ZNF277: variants seen among roughly 807,000 people sequenced by gnomAD.
ZNF277 encodes the protein zinc finger protein 277, also known as nuclear receptor-interacting factor 4.
ZNF277 carries 55 observed loss-of-function variants against 60.7 expected under a neutral mutation model. That is an observed-to-expected ratio of 0.91 (90% CI 0.73 to 1.13). The LOEUF is 1.13. ZNF277 is among the 50% of genes most tolerant of loss of function. ZNF277 has a pLI of 0.00. For synonymous variants in ZNF277, 178 were observed against 179.3 expected (o/e 0.99, Z 0.06); for missense variants, 510 against 523.0 (o/e 0.98, Z 0.24).
intron 1 of ZNF277, among the ~76,000 whole-genome samples, chr7:112,279,601 A>G (rs895044827): frequency 2.6e-5 from 4 of 152,110 alleles, no homozygotes; most frequent in Admixed American, 1.3e-4. Context: ...CCCTTGAACA[A>G]TTCAGGGATT....
At chr7:112,330,294 G>C (rs1432927217) in intron 7 of ZNF277, 78 bp downstream of exon 7, 1 of 1,445,322 alleles carries the variant, frequency 6.9e-7, no homozygotes, top group East Asian at 2.3e-5. Context: ...ACTAATATTT[G>C]AATAAGCAAT....
At chr7:112,330,477 C>T (rs1292772424) in intron 7 of ZNF277, 3 of 448,014 alleles carry the variant, frequency 6.7e-6, no homozygotes, top group East Asian at 7.2e-5. Flanking sequence ...AAAAAAAATA[C>T]AGCATTTGGA....
At chr7:112,284,635 A>C (rs1037421130) in intron 1 of ZNF277, among the ~76,000 whole-genome samples, 6 of 152,102 alleles carry the variant, frequency 3.9e-5, no homozygotes, top group African/African-American at 9.7e-5. Context: ...AGTGCTTCTA[A>C]AGGGCTTATG....
chr7:112,216,235 G>C (rs1187465250), intron 1 of ZNF277, among the ~76,000 whole-genome samples: 2 of 152,224 alleles, frequency 1.3e-5, no homozygotes, highest in African/African-American at 2.4e-5. Flanking sequence ...AGTGATCATA[G>C]ACAGTACAGC....
intron 1 of ZNF277, among the ~76,000 whole-genome samples, chr7:112,261,108 A>G (rs888799502): frequency 6.6e-6 from 1 of 152,186 alleles, no homozygotes; most frequent in Non-Finnish European, 1.5e-5. Flanking sequence ...CCCAGCCACC[A>G]TAAAAACTTC....
At chr7:112,233,828 C>T (rs915745965) in intron 1 of ZNF277, among the ~76,000 whole-genome samples, 1 of 151,954 alleles carries the variant, frequency 6.6e-6, no homozygotes, top group Admixed American at 6.6e-5. Flanking sequence ...ATTAATACAC[C>T]TTTTCTAGTT....
chr7:112,222,180 C>G (rs369653031), intron 1 of ZNF277, among the ~76,000 whole-genome samples: 1 of 152,318 alleles, frequency 6.6e-6, no homozygotes, highest in East Asian at 1.9e-4. Flanking sequence ...GCTTTGGTAT[C>G]AGGGTGATTC....
intron 1 of ZNF277, among the ~76,000 whole-genome samples, chr7:112,268,934 C>T (rs1791605789): frequency 6.6e-6 from 1 of 152,078 alleles, no homozygotes; most frequent in Non-Finnish European, 1.5e-5. Flanking sequence ...TAAGATTCTA[C>T]ATCTCTACAC....
chr7:112,241,412 C>T (rs772977708), intron 1 of ZNF277, among the ~76,000 whole-genome samples: 2 of 152,188 alleles, frequency 1.3e-5, no homozygotes, highest in Non-Finnish European at 2.9e-5. Context: ...ACTGTGGGAA[C>T]ATAAATTAGT....
chr7:112,231,042 G>A (rs371482957), intron 1 of ZNF277, among the ~76,000 whole-genome samples: 224 of 152,052 alleles, frequency 1.5e-3, no homozygotes, highest in African/African-American at 4.7e-3. Context: ...GTGAAACCCC[G>A]TCTCTATTAA....
chr7:112,243,711 G>A (rs1282361312), intron 1 of ZNF277, among the ~76,000 whole-genome samples: 3 of 151,896 alleles, frequency 2.0e-5, no homozygotes, highest in African/African-American at 7.2e-5. Flanking sequence ...AAATGGGAAT[G>A]TAAACTAGTA....
intron 1 of ZNF277, among the ~76,000 whole-genome samples, chr7:112,229,735 T>C (rs1454700792): frequency 1.3e-5 from 2 of 152,202 alleles, no homozygotes; most frequent in Admixed American, 6.5e-5. Context: ...AGCCAATGTC[T>C]AGTAGAGGAA....
intron 1 of ZNF277, among the ~76,000 whole-genome samples, chr7:112,241,162 A>C (rs1790938387): frequency 6.6e-6 from 1 of 152,160 alleles, no homozygotes; most frequent in Non-Finnish European, 1.5e-5. Context: ...ATTGGAAAAA[A>C]AAAAATCTAA....
intron 1 of ZNF277, among the ~76,000 whole-genome samples, chr7:112,231,003 A>T (rs1822310883): frequency 2.0e-5 from 3 of 152,166 alleles, no homozygotes; most frequent in Admixed American, 1.3e-4. Context: ...TCACGAGGTC[A>T]GGAGTTCAAG....
chr7:112,218,118 T>C (rs1174492356), intron 1 of ZNF277, among the ~76,000 whole-genome samples: 1 of 152,198 alleles, frequency 6.6e-6, no homozygotes, highest in Non-Finnish European at 1.5e-5. Context: ...TGAATTAAAC[T>C]CTTTCTCCAT....
intron 1 of ZNF277, among the ~76,000 whole-genome samples, chr7:112,235,045 A>G (rs1293861118): frequency 6.6e-6 from 1 of 151,974 alleles, no homozygotes; most frequent in Non-Finnish European, 1.5e-5. Flanking sequence ...GCCTGCAGAA[A>G]TTTATTTTAT....
intron 5 of ZNF277, among the ~76,000 whole-genome samples, chr7:112,326,942 T>G (rs1003770973): frequency 6.6e-6 from 1 of 152,214 alleles, no homozygotes; most frequent in Non-Finnish European, 1.5e-5. Context: ...CATAATTACA[T>G]TTGTCCTTTT....
chr7:112,290,345 C>A (rs1250619842), intron 2 of ZNF277, among the ~76,000 whole-genome samples: 1 of 152,098 alleles, frequency 6.6e-6, no homozygotes, highest in African/African-American at 2.4e-5. Flanking sequence ...ATCAATCTCT[C>A]TATTTGTATC....
intron 1 of ZNF277, among the ~76,000 whole-genome samples, chr7:112,246,896 C>T (rs535187084): frequency 6.6e-6 from 1 of 152,272 alleles, no homozygotes; most frequent in African/African-American, 2.4e-5. Context: ...GAATGCAAGT[C>T]GTTTTAATTA....
Sources: allele counts gnomAD v4.1 joint callset (sites outside exome capture counted in the v4.1 genomes callset), GRCh38; gene constraint gnomAD v4.1.1; transcripts MANE v1.5; gene names NCBI Gene and HGNC (gene_info 2026-07-23, HGNC 2026-07-21).